Variants in MPZL1 observed in about 807,000 individuals in gnomAD.
MPZL1 encodes myelin protein zero-like protein 1.
In MPZL1, 16 loss-of-function variants were observed where a neutral mutation model predicts 29.3. The observed-to-expected ratio is 0.55, with a 90% CI of 0.37 to 0.83. The LOEUF (loss-of-function observed/expected upper bound fraction) is 0.83, where lower values mean the gene tolerates loss of function less well. Ranked by LOEUF, MPZL1 falls within the 40% of genes least tolerant of loss-of-function variation. MPZL1 has a pLI of 0.00. For missense variants in MPZL1, 279 were observed against 332.9 expected (o/e 0.84, Z 1.26); for synonymous variants, 143 against 132.0 (o/e 1.08, Z -0.57).
At chr1:167,767,685 C>T (rs903523757) in intron 2 of MPZL1, among the ~76,000 whole-genome samples, 1 of 151,652 alleles carries the variant, frequency 6.6e-6, no homozygotes, top group African/African-American at 2.4e-5. Context: ...TATTCAAACC[C>T]AGTATATTCA....
chr1:167,740,512 CT>C (rs1232769954), intron 1 of MPZL1, among the ~76,000 whole-genome samples: 2 of 152,152 alleles, frequency 1.3e-5, no homozygotes, highest in East Asian at 3.9e-4. Flanking sequence ...TTTTCTTCCC[CT>C]CTCACAGTCT....
intron 1 of MPZL1, among the ~76,000 whole-genome samples, chr1:167,736,481 T>TA: frequency 6.6e-6 from 1 of 152,250 alleles, no homozygotes; most frequent in Non-Finnish European, 1.5e-5. Context: ...CAACTCTATA[T>TA]ATCTCTCCTC....
intron 1 of MPZL1, among the ~76,000 whole-genome samples, chr1:167,745,590 C>T (rs971165071): frequency 2.4e-4 from 37 of 152,114 alleles, no homozygotes; most frequent in African/African-American, 8.2e-4. Flanking sequence ...TATGATATTA[C>T]TGATTTCTGT....
chr1:167,777,224 T>TAGGC (rs1203000466), intron 5 of MPZL1, among the ~76,000 whole-genome samples: 1 of 152,222 alleles, frequency 6.6e-6, no homozygotes, highest in Non-Finnish European at 1.5e-5. Flanking sequence ...TACATACACA[T>TAGGC]AGGCATAGCA....
intron 1 of MPZL1, among the ~76,000 whole-genome samples, chr1:167,731,592 A>G: frequency 6.6e-6 from 1 of 151,882 alleles, no homozygotes; most frequent in Non-Finnish European, 1.5e-5. Context: ...AGCCGCCACC[A>G]CACCCGGCTA....
rs528592945 is a variant in MPZL1 at position 167,733,848 on chromosome 1, T to A, written c.91+11606T>A. Among the ~76,000 whole-genome samples the A allele has an allele frequency of 3.5e-4, 52 of 150,690 alleles. No individual in the cohort carries two copies. In the South Asian group the frequency reaches 9.4e-3, roughly 27 times the overall value. On this transcript the variant is annotated intron_variant, in intron 1 of 5. Coordinates refer to ENST00000359523, the MANE Select transcript of MPZL1 (RefSeq NM_003953.6). ...TGAGCCCAAGAGTTCAAGGCTGCAG[T>A]GAGCTATGATTGAGCCACTGCACTC... is the stretch of plus-strand genomic sequence containing the variant.
chr1:167,776,742 T>C (rs1661376534), intron 5 of MPZL1, among the ~76,000 whole-genome samples: 2 of 152,224 alleles, frequency 1.3e-5, no homozygotes. Flanking sequence ...ATAATCTAGC[T>C]TTGTGTGTTT....
At chr1:167,771,655 C>T (rs1325500549) in intron 2 of MPZL1, among the ~76,000 whole-genome samples, 1 of 151,418 alleles carries the variant, frequency 6.6e-6, no homozygotes, top group African/African-American at 2.4e-5. Flanking sequence ...GGTGGCCGGG[C>T]AGAGGGGCTC....
intron 1 of MPZL1, among the ~76,000 whole-genome samples, chr1:167,740,461 C>T (rs989640972): frequency 6.6e-6 from 1 of 152,058 alleles, no homozygotes; most frequent in African/African-American, 2.4e-5. Context: ...TTCTCAGTCC[C>T]TCCTCTCTTC....
chr1:167,776,271 C>T, intron 5 of MPZL1, 105 bp downstream of exon 5: 1 of 707,918 alleles, frequency 1.4e-6, no homozygotes. Flanking sequence ...GAGACAGAGA[C>T]AGAGACAGAC....
intron 1 of MPZL1, among the ~76,000 whole-genome samples, chr1:167,732,504 A>G (rs779915880): frequency 9.8e-5 from 15 of 152,318 alleles, no homozygotes; most frequent in Non-Finnish European, 1.3e-4. Flanking sequence ...GTGGCTGGCA[A>G]TTCACAAGTA....
intron 1 of MPZL1, among the ~76,000 whole-genome samples, chr1:167,752,783 G>C (rs1192672270): frequency 6.6e-6 from 1 of 152,182 alleles, no homozygotes; most frequent in African/African-American, 2.4e-5. Flanking sequence ...CCATTTAAGG[G>C]CAGGTTGGTT....
intron 1 of MPZL1, among the ~76,000 whole-genome samples, chr1:167,743,704 C>T (rs1313029556): frequency 2.0e-5 from 3 of 151,732 alleles, no homozygotes; most frequent in Non-Finnish European, 4.4e-5. Context: ...ATTTGATTCT[C>T]AGCTTGGTTG....
intron 5 of MPZL1, among the ~76,000 whole-genome samples, chr1:167,783,303 T>C (rs907151327): frequency 6.6e-6 from 1 of 152,200 alleles, no homozygotes; most frequent in Non-Finnish European, 1.5e-5. Flanking sequence ...ACCTAGAGTT[T>C]AGAGTGTTAA....
intron 2 of MPZL1, among the ~76,000 whole-genome samples, chr1:167,769,184 T>C (rs1661188486): frequency 6.6e-6 from 1 of 152,160 alleles, no homozygotes; most frequent in African/African-American, 2.4e-5. Flanking sequence ...AGAGAGTTGT[T>C]GGGAGACAGT....
Position 167,722,196 on chromosome 1 carries a change from C to G in MPZL1, c.45C>G (p.Asp15Glu). Residue 15 changes from aspartate (D) to glutamate (E), a missense_variant, in exon 1 of 6, where the codon GAC becomes GAG. Asp to Glu is a conservative substitution (Grantham distance 45). Coordinates refer to ENST00000359523, the MANE Select transcript of MPZL1 (RefSeq NM_003953.6). ...AGAGAVIAAP[D>E]SRRWLWSVLA... ...CCGGGGCGGTGATTGCAGCCCCAGACAGCCGGCGCTGGCTGTGGTCGGTGC... is the reference window on the plus strand; with the variant it reads ...CCGGGGCGGTGATTGCAGCCCCAGAGAGCCGGCGCTGGCTGTGGTCGGTGC... 8.1e-7 allele frequency: 1 copy of G among 1,238,770 alleles called. No individual in the cohort carries two copies. The highest frequency in any genetic ancestry group is 1.0e-6 in the Non-Finnish European group (1 of 987,926). 76.7% of individuals were successfully genotyped at this position (1,238,770 alleles called of 1,614,324 possible).
At position 167,778,552 on chromosome 1, in the gene MPZL1, GGATGGATGGATGGATA is replaced by G. The variant is rs1158983385; in HGVS notation, c.708+2390_708+2405del. On this transcript the variant is annotated intron_variant, in intron 5 of 5. Transcript: ENST00000359523. ...TGGATGGATGGATGGATGGATGGAT[GGATGGATGGATGGATA>G]GATTTAAAAAAATAATAATTTAATA... Among the ~76,000 whole-genome samples the G allele has an allele frequency of 2.0e-4, 31 of 151,368 alleles. 2 individuals carry two copies. Among genetic ancestry groups the G allele is most frequent in the Non-Finnish European group, 2.9e-5 (2 of 67,880 alleles).
intron 1 of MPZL1, 115 bp from the exon 2 acceptor site, chr1:167,765,467 AG>A (rs1450705572): frequency 3.8e-5 from 27 of 714,514 alleles, no homozygotes; most frequent in Admixed American, 7.1e-5. Flanking sequence ...ATGTAATGGC[AG>A]TGAATTACTG....
chr1:167,723,794 AT>A (rs946568220), intron 1 of MPZL1, among the ~76,000 whole-genome samples: 1 of 152,238 alleles, frequency 6.6e-6, no homozygotes, highest in African/African-American at 2.4e-5. Flanking sequence ...AGCTGATGTT[AT>A]TGGTTCAACT....
Sources: gnomAD v4.1 joint callset for allele counts (sites outside exome capture counted in the v4.1 genomes callset) on GRCh38, gnomAD v4.1.1 for gene constraint, MANE v1.5 for transcripts, NCBI Gene and HGNC (gene_info 2026-07-23, HGNC 2026-07-21) for gene names.